SLC24A2: variants seen among roughly 807,000 people sequenced by gnomAD.
The protein encoded by SLC24A2 is solute carrier family 24 member 2.
SLC24A2 carries 36 observed loss-of-function variants against 62.0 expected under a neutral mutation model. The ratio of observed to expected loss-of-function variants is 0.58; its 90% CI spans 0.44 to 0.77. The LOEUF is 0.77. Among genes scored for constraint, SLC24A2 ranks in the 30% least tolerant of loss-of-function variants. The pLI is 0.00. For synonymous variants in SLC24A2, 358 were observed against 294.0 expected (o/e 1.22, Z -2.23); for missense variants, 846 against 817.9 (o/e 1.03, Z -0.42).
the SLC24A2 span, among the ~76,000 whole-genome samples, chr9:19,823,408 G>T: frequency 1.3e-5 from 2 of 151,926 alleles, no homozygotes; most frequent in African/African-American, 4.8e-5. Context: ...ATTTCAGCTT[G>T]TGTTTTCTAA....
the SLC24A2 span, among the ~76,000 whole-genome samples, chr9:20,018,389 G>A: frequency 6.6e-6 from 1 of 152,080 alleles, no homozygotes; most frequent in Non-Finnish European, 1.5e-5. Context: ...TTTTGCATGT[G>A]TGTAGAGGAA....
chr9:20,260,051 C>G, the SLC24A2 span, among the ~76,000 whole-genome samples: 39 of 152,248 alleles, frequency 2.6e-4, no homozygotes, highest in South Asian at 2.1e-4. Flanking sequence ...CCACTGCACT[C>G]CAGCCTGTGT....
At chr9:20,024,714 A>T in the SLC24A2 span, among the ~76,000 whole-genome samples, 1 of 152,178 alleles carries the variant, frequency 6.6e-6, no homozygotes, top group Non-Finnish European at 1.5e-5. Context: ...AAAGAAGATC[A>T]GGTCACACGT....
intron 10 of SLC24A2, among the ~76,000 whole-genome samples, chr9:19,516,708 C>T (rs1832945652): frequency 6.6e-6 from 1 of 152,136 alleles, no homozygotes; most frequent in African/African-American, 2.4e-5. Context: ...TATTTTGTTT[C>T]CTTCCTAGTT....
the SLC24A2 span, among the ~76,000 whole-genome samples, chr9:19,938,485 G>A: frequency 2.0e-5 from 3 of 152,106 alleles, no homozygotes. Context: ...GTGATTAATA[G>A]AGGTATGGTT....
At chr9:20,234,426 C>G in the SLC24A2 span, among the ~76,000 whole-genome samples, 3 of 152,148 alleles carry the variant, frequency 2.0e-5, no homozygotes, top group Non-Finnish European at 4.4e-5. Context: ...TTGTTTGTTT[C>G]TTTTTATTCT....
rs544259882 is a variant in SLC24A2 at position 19,709,098 on chromosome 9, A to G, written c.930+76839T>C. On this transcript the variant is annotated intron_variant, in intron 2 of 10. Transcript: ENST00000341998. ...ACCCATCAAAAAGGGGGCGAAGGAT[A>G]TGAACAGACACTTCTCAAAAGAAGA... Among the ~76,000 whole-genome samples, 513 of 152,350 alleles carry G rather than the reference A, an allele frequency of 3.4e-3. 2 individuals carry two copies. Among genetic ancestry groups the G allele is most frequent in the Admixed American group, 5.6e-3 (85 of 15,306 alleles).
the SLC24A2 span, among the ~76,000 whole-genome samples, chr9:20,211,460 T>C: frequency 6.6e-6 from 1 of 152,092 alleles, no homozygotes; most frequent in Admixed American, 6.5e-5. Flanking sequence ...TGCCGTGAGC[T>C]GAGATCACAC....
intron 2 of SLC24A2, among the ~76,000 whole-genome samples, chr9:19,676,569 T>C (rs1386748889): frequency 6.6e-6 from 1 of 152,180 alleles, no homozygotes; most frequent in Non-Finnish European, 1.5e-5. Flanking sequence ...TCCACATGTG[T>C]ATCTTATATG....
the SLC24A2 span, among the ~76,000 whole-genome samples, chr9:20,042,101 T>G: frequency 6.6e-6 from 1 of 152,226 alleles, no homozygotes; most frequent in Non-Finnish European, 1.5e-5. Flanking sequence ...AGGGGAGCAC[T>G]GTCCCTGGTG....
the SLC24A2 span, among the ~76,000 whole-genome samples, chr9:20,240,850 C>T: frequency 1.3e-5 from 2 of 152,132 alleles, no homozygotes; most frequent in East Asian, 1.9e-4. Context: ...CTTTCACCAG[C>T]CCCTTCTGCA....
intron 10 of SLC24A2, among the ~76,000 whole-genome samples, chr9:19,519,963 A>G (rs181811113): frequency 1.4e-4 from 21 of 152,332 alleles, no homozygotes; most frequent in Admixed American, 1.2e-3. Flanking sequence ...TGGGCCCTTC[A>G]GTATTTTTAT....
At chr9:20,131,949 G>GT in the SLC24A2 span, among the ~76,000 whole-genome samples, 1 of 152,124 alleles carries the variant, frequency 6.6e-6, no homozygotes, top group African/African-American at 2.4e-5. Context: ...ATGGTAAACA[G>GT]TTTATGTAAT....
At chr9:19,680,300 G>T (rs993946691) in intron 2 of SLC24A2, among the ~76,000 whole-genome samples, 95 of 152,232 alleles carry the variant, frequency 6.2e-4, no homozygotes, top group Non-Finnish European at 5.7e-4. Context: ...GGCACTTCAG[G>T]TAGAACTCAC....
the SLC24A2 span, among the ~76,000 whole-genome samples, chr9:19,953,919 C>A: frequency 2.0e-5 from 3 of 151,724 alleles, no homozygotes; most frequent in Admixed American, 6.6e-5. Context: ...TTATCCTGAG[C>A]TAGTAGTTTT....
At chr9:20,088,423 C>T in the SLC24A2 span, among the ~76,000 whole-genome samples, 1 of 152,178 alleles carries the variant, frequency 6.6e-6, no homozygotes. Flanking sequence ...TGCAGCAGCT[C>T]TATGAAGACG....
chr9:19,966,413 C>T, the SLC24A2 span, among the ~76,000 whole-genome samples: 17 of 152,194 alleles, frequency 1.1e-4, no homozygotes, highest in Non-Finnish European at 2.2e-4. Context: ...TAACAATTAG[C>T]GGGTATGAAC....
chr9:20,116,974 A>C, the SLC24A2 span, among the ~76,000 whole-genome samples: 2 of 152,154 alleles, frequency 1.3e-5, no homozygotes, highest in Non-Finnish European at 2.9e-5. Flanking sequence ...CTTTTGAACA[A>C]TTGTATGATC....
chr9:20,155,126 A>G, the SLC24A2 span, among the ~76,000 whole-genome samples: 102 of 145,202 alleles, frequency 7.0e-4, no homozygotes, highest in African/African-American at 2.5e-3. Flanking sequence ...TCTCTGCCCA[A>G]CTGGAAAAAA....
Sources: gnomAD v4.1 joint callset for allele counts (sites outside exome capture counted in the v4.1 genomes callset) on GRCh38, gnomAD v4.1.1 for gene constraint, MANE v1.5 for transcripts, NCBI Gene and HGNC (gene_info 2026-07-23, HGNC 2026-07-21) for gene names.